Variants in ATRNL1 observed in about 807,000 individuals in gnomAD.
ATRNL1 encodes attractin-like protein 1.
In ATRNL1, 95 loss-of-function variants were observed where a neutral mutation model predicts 182.7. The ratio of observed to expected loss-of-function variants is 0.52; its 90% CI spans 0.44 to 0.62. The LOEUF is 0.62. Among genes scored for constraint, ATRNL1 ranks in the 20% least tolerant of loss-of-function variants. The pLI, the probability that ATRNL1 is intolerant of heterozygous loss-of-function variation, is 0.00. For missense variants in ATRNL1, 1,471 were observed against 1,679.5 expected (o/e 0.88, Z 2.17); for synonymous variants, 576 against 568.3 (o/e 1.01, Z -0.19).
At chr10:115,806,512 A>G (rs1388025895) in intron 27 of ATRNL1, among the ~76,000 whole-genome samples, 4 of 152,220 alleles carry the variant, frequency 2.6e-5, no homozygotes, top group African/African-American at 7.2e-5. Context: ...ACTAAAATTC[A>G]TCAGAATAAA....
chr10:115,886,508 G>T (rs1464632921), intron 28 of ATRNL1, among the ~76,000 whole-genome samples: 2 of 152,122 alleles, frequency 1.3e-5, no homozygotes, highest in Non-Finnish European at 2.9e-5. Context: ...GAGCGAAACT[G>T]TCTCAAAAAC....
At chr10:115,275,122 C>A (rs1031803898) in intron 13 of ATRNL1, among the ~76,000 whole-genome samples, 1 of 152,100 alleles carries the variant, frequency 6.6e-6, no homozygotes, top group Non-Finnish European at 1.5e-5. Context: ...CTTGGCTTTT[C>A]GCTCCGTAAT....
In ATRNL1 at chr10:115,389,570, A is replaced by ATG. The variant is rs1564990072; in HGVS notation, c.3176-5088_3176-5087insGT. Among the ~76,000 whole-genome samples the ATG allele has an allele frequency of 4.9e-4, 57 of 115,966 alleles. 2 individuals carry two copies. The highest frequency in any genetic ancestry group is 1.8e-3 in the African/African-American group (55 of 30,404). 76.1% of individuals were successfully genotyped at this position (115,966 alleles called of 152,430 possible). On this transcript the variant is annotated intron_variant, in intron 19 of 28. Transcript: ENST00000355044. ...TATATATATATATATATATATATAT[A>ATG]TATATATATATATATATATATTTCA...
At chr10:115,154,117 G>T (rs900538530) in intron 5 of ATRNL1, among the ~76,000 whole-genome samples, 12 of 151,106 alleles carry the variant, frequency 7.9e-5, no homozygotes, top group Non-Finnish European at 1.2e-4. Context: ...GCTGAGGAGT[G>T]CTTTACTTCC....
intron 11 of ATRNL1, among the ~76,000 whole-genome samples, chr10:115,265,519 C>G (rs536241003): frequency 6.6e-6 from 1 of 151,646 alleles, no homozygotes; most frequent in South Asian, 2.1e-4. Flanking sequence ...ACATCAGATA[C>G]CCTTTTATGT....
intron 26 of ATRNL1, among the ~76,000 whole-genome samples, chr10:115,637,914 C>T (rs1172200806): frequency 1.3e-5 from 2 of 152,070 alleles, no homozygotes; most frequent in South Asian, 2.1e-4. Flanking sequence ...TGAGCCACCG[C>T]GCCCGGCTAT....
intron 26 of ATRNL1, among the ~76,000 whole-genome samples, chr10:115,691,323 G>C (rs1555048130): frequency 6.6e-6 from 1 of 152,180 alleles, no homozygotes; most frequent in Non-Finnish European, 1.5e-5. Context: ...ATCCTAACAA[G>C]TGTGAGGTGA....
chr10:115,836,533 G>A (rs576767539), intron 27 of ATRNL1, among the ~76,000 whole-genome samples: 4 of 152,136 alleles, frequency 2.6e-5, no homozygotes, highest in African/African-American at 4.8e-5. Context: ...ACCTCCCCTC[G>A]CTTCTGGCGT....
chr10:115,907,054 C>A (rs991273025), intron 28 of ATRNL1, among the ~76,000 whole-genome samples: 3 of 152,146 alleles, frequency 2.0e-5, no homozygotes, highest in Non-Finnish European at 4.4e-5. Context: ...TCAACCTGTA[C>A]TGTTATTATC....
chr10:115,244,101 A>T (rs1354814350), intron 10 of ATRNL1, among the ~76,000 whole-genome samples: 1 of 152,142 alleles, frequency 6.6e-6, no homozygotes, highest in African/African-American at 2.4e-5. Flanking sequence ...ACCAATTAGG[A>T]AACAGAAAAA....
At chr10:115,609,650 A>T (rs1354272370) in intron 26 of ATRNL1, among the ~76,000 whole-genome samples, 1 of 151,780 alleles carries the variant, frequency 6.6e-6, no homozygotes, top group Non-Finnish European at 1.5e-5. Context: ...GCTTTCTCCT[A>T]TTCATTTTTT....
At position 115,756,608 on chromosome 10, in the gene ATRNL1, C is replaced by T. The variant is rs140347388; in HGVS notation, c.3903+29253C>T. Among the ~76,000 whole-genome samples, 1,111 of 152,044 alleles carry T rather than the reference C, an allele frequency of 7.3e-3. 15 individuals carry two copies. The highest frequency in any genetic ancestry group is 0.025 in the African/African-American group (1,021 of 41,474). ...TATGTGGTCAATTTTAGAATAAGTT[C>T]GATGTGGTGCTCAGAAAAATGTATA... On this transcript the variant is annotated intron_variant, in intron 27 of 28. Coordinates refer to ENST00000355044, the MANE Select transcript of ATRNL1 (RefSeq NM_207303.4).
intron 26 of ATRNL1, among the ~76,000 whole-genome samples, chr10:115,620,102 T>G (rs1857646916): frequency 6.6e-6 from 1 of 152,234 alleles, no homozygotes; most frequent in African/African-American, 2.4e-5. Context: ...TCTGTAGACG[T>G]GTGACACTAG....
At chr10:115,870,859 A>C (rs544455851) in intron 28 of ATRNL1, among the ~76,000 whole-genome samples, 2 of 152,192 alleles carry the variant, frequency 1.3e-5, no homozygotes, top group Non-Finnish European at 2.9e-5. Flanking sequence ...AGATAATAAT[A>C]GTTCTTTTCT....
intron 27 of ATRNL1, among the ~76,000 whole-genome samples, chr10:115,731,752 C>T (rs1266375169): frequency 1.3e-5 from 2 of 151,696 alleles, no homozygotes; most frequent in Non-Finnish European, 2.9e-5. Context: ...CCTGTCATCA[C>T]CCCGAAAGAA....
Position 115,544,378 on chromosome 10 carries a change from G to T in ATRNL1, c.3717-5080G>T, listed in dbSNP as rs188069795. Among the ~76,000 whole-genome samples the T allele has an allele frequency of 1.3e-3, 198 of 152,290 alleles. 8 individuals carry two copies. The highest frequency in any genetic ancestry group is 0.012 in the Admixed American group (176 of 15,284). On this transcript the variant is annotated intron_variant, in intron 25 of 28. Transcript: ENST00000355044. ...TATCTGAGTCTGGATAAATTATAAA[G>T]AAAAGAGTTTAATTGGCTCATGGTT...
chr10:115,389,538 G>GTATA (rs1270489896), intron 19 of ATRNL1, among the ~76,000 whole-genome samples: 1 of 51,414 alleles, frequency 1.9e-5, no homozygotes, highest in Non-Finnish European at 3.3e-5. Flanking sequence ...AAATGTGTAT[G>GTATA]TGTATATATA....
chr10:115,332,471 A>G (rs1191302635), intron 18 of ATRNL1, among the ~76,000 whole-genome samples: 1 of 152,198 alleles, frequency 6.6e-6, no homozygotes, highest in Non-Finnish European at 1.5e-5. Context: ...ATCTTTCTAA[A>G]TATAATGCTC....
chr10:115,810,670 C>T (rs1950026730), intron 27 of ATRNL1, among the ~76,000 whole-genome samples: 1 of 151,748 alleles, frequency 6.6e-6, no homozygotes, highest in African/African-American at 2.4e-5. Context: ...TTAATAAATT[C>T]TATATCTTTA....
Sources: allele counts gnomAD v4.1 joint callset (sites outside exome capture counted in the v4.1 genomes callset), GRCh38; gene constraint gnomAD v4.1.1; transcripts MANE v1.5; gene names NCBI Gene and HGNC (gene_info 2026-07-23, HGNC 2026-07-21).